Variants in ULK2 observed in about 807,000 individuals in gnomAD.
ULK2 encodes unc-51 like autophagy activating kinase 2, also known as serine/threonine-protein kinase ULK2.
In ULK2, 76 loss-of-function variants were observed where a neutral mutation model predicts 127.5. The observed-to-expected ratio is 0.60, with a 90% CI of 0.50 to 0.72. The LOEUF (loss-of-function observed/expected upper bound fraction) is 0.72. Among genes scored for constraint, ULK2 ranks in the 30% least tolerant of loss-of-function variants. The pLI is 0.00. For missense variants in ULK2, 1,144 were observed against 1,295.9 expected (o/e 0.88, Z 1.80); for synonymous variants, 452 against 461.9 (o/e 0.98, Z 0.28).
At chr17:19,833,817 G>A (rs1054504607) in intron 10 of ULK2, among the ~76,000 whole-genome samples, 6 of 152,124 alleles carry the variant, frequency 3.9e-5, no homozygotes, top group African/African-American at 1.2e-4. Flanking sequence ...TCAGCTGTGC[G>A]ACATCATCAA....
intron 9 of ULK2, among the ~76,000 whole-genome samples, chr17:19,839,660 C>CA (rs58657992): frequency 0.11 from 7,953 of 69,934 alleles, 454 homozygotes; most frequent in East Asian, 0.38. Context: ...GACTCTGTCT[C>CA]AAAAAAAAAA....
At chr17:19,864,960 A>T (rs2042322649) in intron 2 of ULK2, 116 bp from the exon 3 acceptor site, 1 of 368,058 alleles carries the variant, frequency 2.7e-6, no homozygotes, top group Non-Finnish European at 4.7e-6. Context: ...ACTTATATTA[A>T]GACTATAAAA....
intron 21 of ULK2, among the ~76,000 whole-genome samples, chr17:19,784,389 A>G (rs2086983288): frequency 6.6e-6 from 1 of 152,102 alleles, no homozygotes; most frequent in Non-Finnish European, 1.5e-5. Flanking sequence ...ATAAGAAGGA[A>G]TGGAATTAGC....
At chr17:19,851,942 A>G (rs2042024962) in intron 3 of ULK2, among the ~76,000 whole-genome samples, 1 of 147,270 alleles carries the variant, frequency 6.8e-6, no homozygotes, top group Non-Finnish European at 1.5e-5. Context: ...ACTACTCAGG[A>G]GGCTGAGGCA....
At chr17:19,858,228 CA>C (rs1387725873) in intron 3 of ULK2, among the ~76,000 whole-genome samples, 1 of 151,890 alleles carries the variant, frequency 6.6e-6, no homozygotes, top group Non-Finnish European at 1.5e-5. Context: ...GGTGAAACTC[CA>C]TCTCTACAAA....
chr17:19,862,437 T>C (rs752418939), intron 3 of ULK2, among the ~76,000 whole-genome samples: 5 of 152,042 alleles, frequency 3.3e-5, no homozygotes, highest in Admixed American at 1.3e-4. Context: ...AGTTACTTTG[T>C]GTTATGATAT....
chr17:19,827,727 C>T (rs2041329797), intron 10 of ULK2, among the ~76,000 whole-genome samples: 1 of 152,080 alleles, frequency 6.6e-6, no homozygotes, highest in South Asian at 2.1e-4. Context: ...GCCTGACCAA[C>T]ATGGAGAAAC....
chr17:19,792,986 T>G (rs1316393838), intron 20 of ULK2, among the ~76,000 whole-genome samples: 4 of 152,174 alleles, frequency 2.6e-5, no homozygotes, highest in Non-Finnish European at 5.9e-5. Flanking sequence ...TATTTATAGT[T>G]GTATTAGTTC....
chr17:19,856,014 C>T (rs1356373274), intron 3 of ULK2: 1 of 152,090 alleles, frequency 6.6e-6, no homozygotes, highest in Non-Finnish European at 1.5e-5. Context: ...CAGAGTAAGA[C>T]CTCATTTCTA....
Position 19,867,559 on chromosome 17 carries a change from A to C in ULK2, c.-142T>G. On this transcript the variant is annotated 5_prime_UTR_variant, in exon 1 of 27. The change abolishes an upstream ATG in the 5' untranslated region. Transcript: ENST00000395544. ...CAGCCCCGGGCCCGGGCGGACTCTC[A>C]TGCCGAGAGACCGGAGCGGAAACTG... 22 of 399,792 alleles carry C rather than the reference A, an allele frequency of 5.5e-5. No homozygotes were observed. The highest frequency in any genetic ancestry group is 7.7e-5 in the Non-Finnish European group (19 of 248,012). 24.8% of individuals were successfully genotyped at this position (399,792 alleles called of 1,614,324 possible). A position where few individuals can be genotyped will look rare whatever the true frequency, so the allele number is the denominator to read the frequency against.
Position 19,776,206 on chromosome 17 carries a change from C to T in ULK2, c.*143G>A. On this transcript the variant is annotated 3_prime_UTR_variant, in exon 27 of 27. Coordinates refer to ENST00000395544, the MANE Select transcript of ULK2 (RefSeq NM_014683.4). ...ATATGTAGTTTTTGGATTGTTTTTC[C>T]TTTTTCAAATCACTGCTTGTTCTTT... The T allele has an allele frequency of 1.1e-5, 7 of 665,920 alleles. No homozygotes were observed. Among genetic ancestry groups the T allele is most frequent in the South Asian group, 6.1e-5 (2 of 32,568 alleles). 41.3% of individuals were successfully genotyped at this position (665,920 alleles called of 1,614,324 possible). A position where few individuals can be genotyped will look rare whatever the true frequency, so the allele number is the denominator to read the frequency against.
chr17:19,817,720 T>C (rs1477548077), intron 12 of ULK2, among the ~76,000 whole-genome samples: 1 of 152,226 alleles, frequency 6.6e-6, no homozygotes, highest in Non-Finnish European at 1.5e-5. Context: ...CAAGCCCCTA[T>C]TAACCTGTTT....
In ULK2 at chr17:19,825,098, G is replaced by A. The variant is rs2041254344; in HGVS notation, c.920C>T (p.Pro307Leu). ...TTTTAATAAACTGTAACTTACTGGT[G>A]GAGAAGCAAAACGACAAGATGGAGA... ...GSSPSCRFAS[P>L]PSLPDMQHIQ... Residue 307 changes from proline (P) to leucine (L), a missense_variant, in exon 12 of 27, where the codon CCA (proline) becomes CTA (leucine). Transcript: ENST00000395544. The A allele has an allele frequency of 6.2e-7, 1 of 1,613,794 alleles. No individual in the cohort carries two copies. Among genetic ancestry groups the A allele is most frequent in the African/African-American group, 1.3e-5 (1 of 74,916 alleles).
In ULK2 at chr17:19,772,240, A is replaced by C. The variant is rs1480481989; in HGVS notation, c.*4109T>G. 6.6e-6 allele frequency: 1 copy of C among 152,202 alleles called. No homozygotes were observed. Among genetic ancestry groups the C allele is most frequent in the African/African-American group, 2.4e-5 (1 of 41,432 alleles). 9.4% of individuals were successfully genotyped at this position (152,202 alleles called of 1,614,324 possible). ...AGTTCGGCTTCACCTCTTGCACCAA[A>C]GCTGTGATTTCTCAGGGCAAGTTGT... On this transcript the variant is annotated 3_prime_UTR_variant, in exon 27 of 27. Transcript: ENST00000395544.
At chr17:19,837,976 C>G (rs1284690504) in intron 10 of ULK2, among the ~76,000 whole-genome samples, 1 of 152,184 alleles carries the variant, frequency 6.6e-6, no homozygotes, top group Non-Finnish European at 1.5e-5. Flanking sequence ...TGGAAAAGCC[C>G]AAGTCTTCAA....
chr17:19,810,736 G>GT (rs1245039772), intron 13 of ULK2, among the ~76,000 whole-genome samples: 1 of 151,708 alleles, frequency 6.6e-6, no homozygotes. Context: ...TGCAAAAACT[G>GT]TGCTGTTTTT....
At chr17:19,829,735 C>T (rs2041390134) in intron 10 of ULK2, among the ~76,000 whole-genome samples, 1 of 149,588 alleles carries the variant, frequency 6.7e-6, no homozygotes, top group Admixed American at 6.7e-5. Context: ...ACTTGGGAGG[C>T]TGAGGCAGGA....
intron 18 of ULK2, 94 bp from the exon 19 acceptor site, chr17:19,796,376 G>A (rs1441766141): frequency 8.8e-7 from 1 of 1,135,114 alleles, no homozygotes; most frequent in Non-Finnish European, 1.2e-6. Context: ...CAGTAGTCAG[G>A]AGCATGTAGG....
intron 21 of ULK2, 110 bp from the exon 22 acceptor site, chr17:19,784,015 T>A: frequency 1.0e-6 from 1 of 960,550 alleles, no homozygotes; most frequent in Non-Finnish European, 1.4e-6. Context: ...AAAGTTTCGT[T>A]AAAAGAAACT....
Sources: allele counts gnomAD v4.1 joint callset (sites outside exome capture counted in the v4.1 genomes callset), GRCh38; gene constraint gnomAD v4.1.1; transcripts MANE v1.5; gene names NCBI Gene and HGNC (gene_info 2026-07-23, HGNC 2026-07-21).